The following SVIL variants were observed in gnomAD, a reference collection of about 807,000 sequenced individuals.
SVIL encodes the protein archvillin.
Under a neutral mutation model 240.4 loss-of-function variants are expected in SVIL, and 101 were observed. The ratio of observed to expected loss-of-function variants is 0.42; its 90% CI spans 0.36 to 0.50. The LOEUF is 0.50. Ranked by LOEUF, SVIL falls within the 20% of genes least tolerant of loss-of-function variation. The pLI, the probability that SVIL is intolerant of heterozygous loss-of-function variation, is 0.01. For missense variants in SVIL, 2,512 were observed against 2,818.7 expected (o/e 0.89, Z 2.46); for synonymous variants, 999 against 1,100.0 (o/e 0.91, Z 1.82).
Position 29,569,442 on chromosome 10 carries a change from A to G in SVIL, c.-200-130T>C, listed in dbSNP as rs76605175. On this transcript the variant is annotated intron_variant, in intron 1 of 37. Coordinates refer to ENST00000355867, the MANE Select transcript of SVIL (RefSeq NM_021738.3). ...AAGAAAACCATTAACCAGACAAAAA[A>G]TAGAAATACAAAAATGACACCTTCT... 8.7e-3 allele frequency: 2,463 copies of G among 283,972 alleles called. 71 individuals are homozygous for G. The highest frequency in any genetic ancestry group is 0.053 in the African/African-American group (2,330 of 43,926). 17.6% of individuals were successfully genotyped at this position (283,972 alleles called of 1,614,324 possible). A position where few individuals can be genotyped will look rare whatever the true frequency, so the allele number is the denominator to read the frequency against.
intron 29 of SVIL, 138 bp from the exon 30 acceptor site, chr10:29,474,127 G>A: frequency 8.4e-7 from 1 of 1,190,122 alleles, no homozygotes; most frequent in East Asian, 2.6e-5. Flanking sequence ...GAAACCGTTG[G>A]CACCTGGAGG....
Position 29,663,298 on chromosome 10 carries a change from C to T in SVIL, c.-300-5230G>A, listed in dbSNP as rs76882956. Among the ~76,000 whole-genome samples the T allele has an allele frequency of 5.9e-3, 899 of 152,256 alleles. 5 individuals are homozygous for T. The highest frequency in any genetic ancestry group is 9.4e-3 in the Non-Finnish European group (641 of 68,024). On this transcript the variant is annotated intron_variant, in intron 2 of 35. Coordinates refer to the SVIL transcript ENST00000375400. ...ACTGGATTTTTCAGTAAGTAAACAT[C>T]GGTAGTTTCCACTATGAAGAACATA...
intron 13 of SVIL, among the ~76,000 whole-genome samples, chr10:29,526,305 C>CTTTTTT (rs36004446): frequency 6.3e-4 from 72 of 114,988 alleles, no homozygotes; most frequent in Non-Finnish European, 8.6e-4. Flanking sequence ...TTTTCTCTTT[C>CTTTTTT]TTTTTTTTTT....
At chr10:29,482,396 C>T (rs1240266887) in intron 27 of SVIL, among the ~76,000 whole-genome samples, 10 of 152,044 alleles carry the variant, frequency 6.6e-5, no homozygotes, top group Non-Finnish European at 1.0e-4. Flanking sequence ...AGGCAGGAGC[C>T]GCAGGAAAAC....
At position 29,484,558 on chromosome 10, in the gene SVIL, C is replaced by T; in HGVS notation, c.4955+98G>A. 2 of 1,068,506 alleles carry T rather than the reference C, an allele frequency of 1.9e-6. No homozygotes were observed. Among genetic ancestry groups the T allele is most frequent in the Non-Finnish European group, 2.6e-6 (2 of 769,082 alleles). 66.2% of individuals were successfully genotyped at this position (1,068,506 alleles called of 1,614,324 possible). On this transcript the variant is annotated intron_variant, in intron 27 of 37. Coordinates refer to ENST00000355867, the MANE Select transcript of SVIL (RefSeq NM_021738.3). The surrounding 1 kb of genome is among the most constrained non-coding windows in gnomAD (Gnocchi z 4.7). ...CATATAATCGTTTATGAAAACTGAA[C>T]CCTATAAAGAGCGAGAGTAGAGGAC...
chr10:29,466,843 CT>C (rs1172671432), intron 33 of SVIL, among the ~76,000 whole-genome samples: 1 of 152,052 alleles, frequency 6.6e-6, no homozygotes, highest in Non-Finnish European at 1.5e-5. Flanking sequence ...GACTTCATTT[CT>C]TTTTTTAACT....
chr10:29,486,050 G>A, intron 26 of SVIL, 35 bp downstream of exon 26: 3 of 1,578,554 alleles, frequency 1.9e-6, no homozygotes, highest in Non-Finnish European at 2.5e-6. Flanking sequence ...TTTCAATGTG[G>A]TTTCTCACTG....
At chr10:29,648,471 T>TGG (rs1165908177) in intron 3 of SVIL, among the ~76,000 whole-genome samples, 1 of 152,192 alleles carries the variant, frequency 6.6e-6, no homozygotes, top group Non-Finnish European at 1.5e-5. Flanking sequence ...CAGTGGCACC[T>TGG]GCTTTGTACC....
chr10:29,647,954 T>G (rs75690380), intron 3 of SVIL, among the ~76,000 whole-genome samples: 5,957 of 129,440 alleles, frequency 0.046, 212 homozygotes, highest in Admixed American at 0.11. Context: ...TTGAAATGAT[T>G]AAACTTTTGT....
intron 1 of SVIL, among the ~76,000 whole-genome samples, chr10:29,621,398 A>C (rs932330536): frequency 2.0e-5 from 3 of 152,254 alleles, no homozygotes; most frequent in Admixed American, 1.3e-4. Context: ...AGGGCATTCC[A>C]GAGCAGATGG....
intron 1 of SVIL, among the ~76,000 whole-genome samples, chr10:29,612,314 GTTCCCTGCTCTC>G (rs1957276097): frequency 6.6e-6 from 1 of 152,178 alleles, no homozygotes; most frequent in African/African-American, 2.4e-5. Flanking sequence ...ATATTTTAGA[GTTCCCTGCTCTC>G]TGTTTATCTC....
At chr10:29,490,209 C>T (rs751071686) in intron 22 of SVIL, among the ~76,000 whole-genome samples, 23 of 152,092 alleles carry the variant, frequency 1.5e-4, no homozygotes, top group Non-Finnish European at 2.8e-4. Flanking sequence ...CTACCAAGAA[C>T]GATCTGAAAA....
intron 28 of SVIL, among the ~76,000 whole-genome samples, 169 bp downstream of exon 28, chr10:29,481,415 A>G (rs2132355311): frequency 6.6e-6 from 1 of 152,138 alleles, no homozygotes; most frequent in East Asian, 1.9e-4. Flanking sequence ...ACTGTATTGC[A>G]TATTTCAAAA....
At chr10:29,681,109 T>G (rs1960608541) in intron 2 of SVIL, among the ~76,000 whole-genome samples, 1 of 151,850 alleles carries the variant, frequency 6.6e-6, no homozygotes, top group South Asian at 2.1e-4. Context: ...GAAGCTGTCA[T>G]AAAGGGGTTG....
At chr10:29,581,622 T>C (rs568441233) in intron 1 of SVIL, among the ~76,000 whole-genome samples, 99 of 152,376 alleles carry the variant, frequency 6.5e-4, no homozygotes, top group Non-Finnish European at 8.4e-4. Flanking sequence ...AAAAGGCTTA[T>C]TGCAATCACC....
intron 3 of SVIL, among the ~76,000 whole-genome samples, chr10:29,657,211 A>G (rs1248913669): frequency 6.6e-6 from 1 of 152,116 alleles, no homozygotes; most frequent in Non-Finnish European, 1.5e-5. Flanking sequence ...AGCACTGTCA[A>G]CCTCAGTTTT....
rs538397620 is a variant in SVIL, at chr10:29,562,744, G to C, written c.-51+457C>G. Among the ~76,000 whole-genome samples, 23 of 132,780 alleles carry C rather than the reference G, an allele frequency of 1.7e-4. No individual in the cohort carries two copies. In the South Asian group the frequency reaches 5.3e-3, roughly 30 times the overall value. 87.1% of individuals were successfully genotyped at this position (132,780 alleles called of 152,430 possible). On this transcript the variant is annotated intron_variant, in intron 3 of 37. Coordinates refer to ENST00000355867, the MANE Select transcript of SVIL (RefSeq NM_021738.3). ...CCATTGCACTCCAGCCTGGGCGACA[G>C]AGCGAGACTCCGTCTCAAAAAAAAG...
chr10:29,673,503 G>C (rs983548890), intron 2 of SVIL, among the ~76,000 whole-genome samples: 8 of 151,638 alleles, frequency 5.3e-5, no homozygotes, highest in African/African-American at 1.9e-4. Context: ...TCTGCATAGT[G>C]TGGGAGGCCC....
chr10:29,640,151 C>G (rs1441943123), intron 3 of SVIL, among the ~76,000 whole-genome samples: 1 of 152,122 alleles, frequency 6.6e-6, no homozygotes, highest in Non-Finnish European at 1.5e-5. Context: ...CTCCTCTCCC[C>G]CAGCCCCATG....
Sources: allele counts gnomAD v4.1 joint callset (sites outside exome capture counted in the v4.1 genomes callset), GRCh38; gene constraint gnomAD v4.1.1; non-coding constraint Gnocchi (gnomAD v3.1); transcripts MANE v1.5; gene names NCBI Gene and HGNC (gene_info 2026-07-23, HGNC 2026-07-21).